The following STK32C variants were observed in gnomAD, a reference collection of about 807,000 sequenced individuals.
STK32C encodes the protein serine/threonine kinase 32C.
In STK32C, 31 loss-of-function variants were observed where a neutral mutation model predicts 56.5. That is an observed-to-expected ratio of 0.55 (90% CI 0.41 to 0.74). The LOEUF is 0.74. STK32C is among the 30% of genes least tolerant of loss of function. STK32C has a pLI of 0.00. For missense variants in STK32C, 544 were observed against 676.9 expected (o/e 0.80, Z 2.18); for synonymous variants, 309 against 289.4 (o/e 1.07, Z -0.69).
At chr10:132,230,677 G>GTT (rs2063062145) in intron 2 of STK32C, among the ~76,000 whole-genome samples, 6 of 120,880 alleles carry the variant, frequency 5.0e-5, no homozygotes, top group Non-Finnish European at 8.9e-5. Context: ...GGGGGAAGCT[G>GTT]GCGGGGGGGG....
chr10:132,282,161 G>C (rs990496817), intron 1 of STK32C, among the ~76,000 whole-genome samples: 21 of 152,294 alleles, frequency 1.4e-4, no homozygotes, highest in Admixed American at 1.4e-3. Context: ...TGGGAAGAGC[G>C]GATGTGCTGA....
downstream of STK32C, chr10:132,324,017 G>A: frequency 1.8e-6 from 1 of 545,930 alleles, no homozygotes. Context: ...TCCCTAAAGA[G>A]CAGCATTAAT....
chr10:132,274,667 G>A (rs555301322), intron 1 of STK32C, among the ~76,000 whole-genome samples: 13 of 152,316 alleles, frequency 8.5e-5, no homozygotes, highest in South Asian at 2.1e-4. Context: ...TCCCTCAGGC[G>A]TGGGCCTGTC....
At position 132,227,609 on chromosome 10, in the gene STK32C, CGATGATGGTGGTGATGGTGATGGT is replaced by C. The variant is rs561749080; in HGVS notation, c.470+344_470+367del. ...GCAGTGGTGATGGTGGTGGTGATGGCGATGATGGTGGTGATGGTGATGGTGATGACAGTGGTGAGTTTTTCAGTC... is the reference window on the plus strand; with the variant it reads ...GCAGTGGTGATGGTGGTGGTGATGGCGATGACAGTGGTGAGTTTTTCAGTC... On this transcript the variant is annotated intron_variant, in intron 3 of 11. Coordinates refer to ENST00000298630, the MANE Select transcript of STK32C (RefSeq NM_173575.4). Among the ~76,000 whole-genome samples, 48 of 139,508 alleles carry C rather than the reference CGATGATGGTGGTGATGGTGATGGT, an allele frequency of 3.4e-4. No homozygotes were observed. In the East Asian group the frequency reaches 0.01, roughly 30 times the overall value. The allele number at this position is 139,508 out of a possible 152,430, so 91.5% of individuals were successfully genotyped here. A position where few individuals can be genotyped will look rare whatever the true frequency, so the allele number is the denominator to read the frequency against.
chr10:132,207,701 A>C lies in STK32C; in HGVS notation c.*309T>G, dbSNP rs2062143747. 1 of 278,562 alleles carries C rather than the reference A, an allele frequency of 3.6e-6. No individual in the cohort carries two copies. The highest frequency in any genetic ancestry group is 2.2e-5 in the African/African-American group (1 of 45,932). 17.3% of individuals were successfully genotyped at this position (278,562 alleles called of 1,614,324 possible). A position where few individuals can be genotyped will look rare whatever the true frequency, so the allele number is the denominator to read the frequency against. On this transcript the variant is annotated 3_prime_UTR_variant, in exon 12 of 12. Coordinates refer to ENST00000298630, the MANE Select transcript of STK32C (RefSeq NM_173575.4). ...TGCACAGCCTCCGGGCTGAGCAGGG[A>C]CAAAGACTCCTGTCCCATCCATGGC...
chr10:132,320,341 G>A (rs1031961482), downstream of STK32C, among the ~76,000 whole-genome samples: 8 of 152,002 alleles, frequency 5.3e-5, no homozygotes, highest in Non-Finnish European at 8.8e-5. Flanking sequence ...AGAGTCTAGC[G>A]TGACCTGACT....
chr10:132,256,509 T>C (rs952155183), intron 1 of STK32C, among the ~76,000 whole-genome samples: 2 of 152,168 alleles, frequency 1.3e-5, no homozygotes, highest in Non-Finnish European at 1.5e-5. Context: ...AACCGCCTGA[T>C]CAATACAGTA....
chr10:132,288,079 G>T (rs762006367), intron 1 of STK32C, among the ~76,000 whole-genome samples: 1 of 152,106 alleles, frequency 6.6e-6, no homozygotes, highest in African/African-American at 2.4e-5. Context: ...AAAAAAAAAG[G>T]TGTCAAGGTA....
intron 1 of STK32C, among the ~76,000 whole-genome samples, chr10:132,286,075 G>A (rs1383851832): frequency 3.3e-5 from 5 of 151,486 alleles, no homozygotes; most frequent in Non-Finnish European, 7.4e-5. Context: ...GCAGTGAGCC[G>A]AGACTGAGCC....
chr10:132,270,714 G>A (rs1401805880), intron 1 of STK32C, among the ~76,000 whole-genome samples: 1 of 152,190 alleles, frequency 6.6e-6, no homozygotes, highest in Admixed American at 6.5e-5. Flanking sequence ...CTCTGCGTCT[G>A]TAACCAGCAG....
chr10:132,230,749 T>A (rs1177757450), intron 2 of STK32C, among the ~76,000 whole-genome samples: 4 of 149,728 alleles, frequency 2.7e-5, no homozygotes, highest in Admixed American at 2.7e-4. Context: ...AAGGCCGTCT[T>A]CAGCCGGTCC....
chr10:132,307,518 G>A lies in STK32C; in HGVS notation c.262+54C>T. The stretch of plus-strand genomic sequence containing the variant: ...CTGCGGGAAAAAGCCGCCCAGCCGC[G>A]CCCGCCCCTGCAATAGCGCGCGGCC... On this transcript the variant is annotated intron_variant, in intron 1 of 11. Coordinates refer to ENST00000298630, the MANE Select transcript of STK32C (RefSeq NM_173575.4). The surrounding 1 kb of genome is among the most constrained non-coding windows in gnomAD (Gnocchi z 4.4). 2.0e-6 allele frequency: 3 copies of A among 1,500,314 alleles called. No individual in the cohort carries two copies. The highest frequency in any genetic ancestry group is 1.2e-5 in the South Asian group (1 of 82,380). 92.9% of individuals were successfully genotyped at this position (1,500,314 alleles called of 1,614,324 possible).
chr10:132,212,221 C>CA (rs1421666167), intron 10 of STK32C, among the ~76,000 whole-genome samples: 1 of 152,202 alleles, frequency 6.6e-6, no homozygotes, highest in East Asian at 1.9e-4. Flanking sequence ...CTACAGTTAT[C>CA]AAGATGGTGC....
At chr10:132,258,293 T>C (rs1478741277) in intron 1 of STK32C, among the ~76,000 whole-genome samples, 1 of 152,186 alleles carries the variant, frequency 6.6e-6, no homozygotes, top group African/African-American at 2.4e-5. Flanking sequence ...TCCAGTCTGA[T>C]TTTCACACAC....
chr10:132,237,109 G>A (rs759810063), intron 2 of STK32C, among the ~76,000 whole-genome samples: 20 of 152,344 alleles, frequency 1.3e-4, no homozygotes, highest in African/African-American at 2.9e-4. Flanking sequence ...TGTTGAGACC[G>A]GAGCTGCCAG....
chr10:132,209,027 C>T lies in STK32C; in HGVS notation c.1319+7G>A. On this transcript the variant is annotated splice_region_variant and intron_variant, in intron 11 of 11. Coordinates refer to ENST00000298630, the MANE Select transcript of STK32C (RefSeq NM_173575.4). ...CCACCACGCCCACCCACCCCCAACA[C>T]ACTCACTTTTCTCTGTTAAAAATCA... The T allele has an allele frequency of 6.2e-7, 1 of 1,606,048 alleles. No individual in the cohort carries two copies. Among genetic ancestry groups the T allele is most frequent in the Non-Finnish European group, 8.5e-7 (1 of 1,173,046 alleles).
In STK32C at chr10:132,225,254, G is replaced by A; in HGVS notation, c.855C>T (p.Ala285=). The A allele has an allele frequency of 6.2e-7, 1 of 1,611,770 alleles. No individual in the cohort carries two copies. The highest frequency in any genetic ancestry group is 1.1e-5 in the South Asian group (1 of 90,882). ...EVDWWSVGVM[A]YELLRGWRPY... is the part of the protein sequence containing the mutation. ...ATACCCATCCTCGCAGCAGCTCATA[G>A]GCCATCACCCCCACCGACCACCAGT... is the stretch of plus-strand genomic sequence containing the variant. Residue 285 remains alanine (A), a synonymous_variant, in exon 7 of 12, where the codon GCC becomes GCT. Transcript: ENST00000298630.
intron 1 of STK32C, among the ~76,000 whole-genome samples, chr10:132,256,975 G>A (rs1449059235): frequency 2.6e-5 from 4 of 152,220 alleles, no homozygotes. Context: ...ATGAGGGGGA[G>A]CGAGCCCAGT....
At chr10:132,305,516 C>T (rs1015518391) in intron 1 of STK32C, among the ~76,000 whole-genome samples, 3 of 152,196 alleles carry the variant, frequency 2.0e-5, no homozygotes, top group Non-Finnish European at 4.4e-5. Flanking sequence ...GACACCAACA[C>T]AGCACCAGGG....
Sources: gnomAD v4.1 joint callset for allele counts (sites outside exome capture counted in the v4.1 genomes callset) on GRCh38, gnomAD v4.1.1 for gene constraint, Gnocchi (gnomAD v3.1) non-coding constraint, MANE v1.5 for transcripts, NCBI Gene and HGNC (gene_info 2026-07-23, HGNC 2026-07-21) for gene names.